Variants in RBFOX1 observed in about 807,000 individuals in gnomAD.
RBFOX1 encodes RNA binding protein fox-1 homolog 1.
A neutral mutation model predicts 57.7 loss-of-function variants in RBFOX1; 8 were observed. That is an observed-to-expected ratio of 0.14 (90% confidence interval 0.08 to 0.25). The LOEUF is 0.25. RBFOX1 is among the 10% of genes least tolerant of loss of function. RBFOX1 has a pLI of 1.00. For missense variants in RBFOX1, 611 were observed against 548.5 expected, an observed-to-expected ratio of 1.11 and a Z score of -1.14; for synonymous variants, 326 against 222.4, an observed-to-expected ratio of 1.47 and a Z score of -4.15.
At chr16:7,554,366 G>A (rs2087610123) in intron 5 of RBFOX1, among the ~76,000 whole-genome samples, 1 of 152,126 alleles carries the variant, frequency 6.6e-6, no homozygotes, top group African/African-American at 2.4e-5. Flanking sequence ...TATACTTTTA[G>A]GTAAAAGTCC....
At chr16:7,166,972 C>CTTTTTTTTGTTTTTTTTTTTTTTTT (rs2079654853) in intron 4 of RBFOX1, among the ~76,000 whole-genome samples, 1 of 49,098 alleles carries the variant, frequency 2.0e-5, no homozygotes, top group Non-Finnish European at 3.4e-5. Flanking sequence ...CATTGGTGTT[C>CTTTTTTTTGTTTTTTTTTTTTTTTT]TTTTTTTTTT....
intron 14 of RBFOX1, among the ~76,000 whole-genome samples, chr16:7,685,406 C>T (rs558452475): frequency 4.6e-5 from 7 of 152,144 alleles, no homozygotes; most frequent in East Asian, 1.9e-4. Context: ...GATCCGTGGA[C>T]GGAAACAGTT....
intron 2 of RBFOX1, among the ~76,000 whole-genome samples, chr16:6,557,103 A>G (rs1361830354): frequency 1.4e-5 from 2 of 142,640 alleles, no homozygotes; most frequent in Admixed American, 7.0e-5. Context: ...ACATATATAC[A>G]TACATATATA....
chr16:7,195,434 C>T (rs1362649922), intron 4 of RBFOX1, among the ~76,000 whole-genome samples: 2 of 152,190 alleles, frequency 1.3e-5, no homozygotes. Flanking sequence ...ACGACCTGGG[C>T]AGGTGGCTGT....
chr16:6,407,872 C>T (rs1226150504), intron 2 of RBFOX1, among the ~76,000 whole-genome samples: 2 of 152,146 alleles, frequency 1.3e-5, no homozygotes, highest in African/African-American at 2.4e-5. Context: ...TAGATCCCCA[C>T]TATGTTCTGA....
rs538024132 is a variant in RBFOX1 at position 5,288,840 on chromosome 16, A to C, written c.219+48735A>C. On this transcript the variant is annotated intron_variant, in intron 1 of 2. Transcript: ENST00000585867. ...AAGGGAGCAGGTAACCATAAAACTC[A>C]TATAGGCTGGGCGCAGTGGCTCACA... 3.3e-5 allele frequency among the ~76,000 whole-genome samples: 5 copies of C among 152,020 alleles called. 1 individual carries two copies. The South Asian group carries it at 8.3e-4, about 25-fold the overall frequency.
chr16:6,097,000 A>G (rs1597274869), intron 1 of RBFOX1, among the ~76,000 whole-genome samples: 1 of 152,088 alleles, frequency 6.6e-6, no homozygotes, highest in East Asian at 1.9e-4. Context: ...TGTAGCTCCC[A>G]TAATTCCCAT....
chr16:6,853,493 C>A (rs749645560), intron 3 of RBFOX1, among the ~76,000 whole-genome samples: 3 of 151,946 alleles, frequency 2.0e-5, no homozygotes, highest in Non-Finnish European at 2.9e-5. Context: ...GTGTGGTGCT[C>A]GAGGACAATC....
chr16:7,415,135 G>A (rs61632622), intron 4 of RBFOX1, among the ~76,000 whole-genome samples: 11,191 of 152,186 alleles, frequency 0.074, 995 homozygotes, highest in East Asian at 0.3. Context: ...TAATTATTTT[G>A]TTACCATTTT....
intron 2 of RBFOX1, among the ~76,000 whole-genome samples, chr16:6,643,946 G>A (rs1488369049): frequency 4.0e-5 from 6 of 151,888 alleles, no homozygotes; most frequent in Non-Finnish European, 7.4e-5. Context: ...GCCAACATGG[G>A]GAAACCCCAT....
intron 1 of RBFOX1, among the ~76,000 whole-genome samples, chr16:6,295,424 C>G (rs765237573): frequency 1.3e-5 from 2 of 152,044 alleles, no homozygotes; most frequent in African/African-American, 4.8e-5. Context: ...GTGCCTGGCC[C>G]CTTAAGTGTG....
At chr16:5,511,131 C>A (rs1374211822) in intron 2 of RBFOX1, among the ~76,000 whole-genome samples, 2 of 152,146 alleles carry the variant, frequency 1.3e-5, no homozygotes, top group African/African-American at 2.4e-5. Context: ...TAGAAAGTTA[C>A]AAAGAACTCA....
intron 4 of RBFOX1, among the ~76,000 whole-genome samples, chr16:7,499,400 C>G (rs1180832925): frequency 6.6e-6 from 1 of 152,170 alleles, no homozygotes; most frequent in East Asian, 1.9e-4. Context: ...CTAATTACAT[C>G]TGCAGTGACC....
chr16:6,756,268 C>G (rs952714718), intron 3 of RBFOX1, among the ~76,000 whole-genome samples: 14 of 152,014 alleles, frequency 9.2e-5, no homozygotes, highest in Middle Eastern at 3.4e-3. Context: ...AATGGATATC[C>G]GTATGTAGAA....
At position 6,888,881 on chromosome 16, in the gene RBFOX1, A is replaced by G. The variant is rs72770620; in HGVS notation, c.-15-163176A>G. Among the ~76,000 whole-genome samples, 210 of 152,260 alleles carry G rather than the reference A, an allele frequency of 1.4e-3. 1 individual carries two copies. Among genetic ancestry groups the G allele is most frequent in the Admixed American group, 3.4e-3 (52 of 15,294 alleles). ...TCCCTCTTTATCCCCTCCTCCCCAAAAAAGAATTATTTTAGCATCTGAATT... is the reference window on the plus strand; with the variant it reads ...TCCCTCTTTATCCCCTCCTCCCCAAGAAAGAATTATTTTAGCATCTGAATT... On this transcript the variant is annotated intron_variant, in intron 3 of 15. Coordinates refer to ENST00000550418, the MANE Select transcript of RBFOX1 (RefSeq NM_018723.4).
Position 6,450,763 on chromosome 16 carries a change from A to ATG in RBFOX1, c.-64+133710_-64+133711dup, listed in dbSNP as rs1176763687. Among the ~76,000 whole-genome samples, 39 of 35,376 alleles carry ATG rather than the reference A, an allele frequency of 1.1e-3. 2 individuals are homozygous for ATG. The highest frequency in any genetic ancestry group is 1.1e-3 in the South Asian group (1 of 928). 23.2% of individuals were successfully genotyped at this position (35,376 alleles called of 152,430 possible). ...ATTTTATATATATATACATATATAT[A>ATG]TGTGTATATATATATATATATATAT... On this transcript the variant is annotated intron_variant, in intron 2 of 15. Transcript: ENST00000550418.
At chr16:7,531,296 C>T (rs898564507) in intron 5 of RBFOX1, among the ~76,000 whole-genome samples, 5 of 152,144 alleles carry the variant, frequency 3.3e-5, no homozygotes, top group African/African-American at 1.2e-4. Context: ...AAAGAGGAAG[C>T]AGCGATCATT....
intron 1 of RBFOX1, among the ~76,000 whole-genome samples, chr16:6,039,573 C>G (rs968339123): frequency 2.6e-5 from 4 of 152,108 alleles, no homozygotes; most frequent in African/African-American, 9.7e-5. Context: ...AATAATTATG[C>G]ATTTCTTAGA....
intron 2 of RBFOX1, among the ~76,000 whole-genome samples, chr16:6,324,607 C>T (rs1480185798): frequency 6.6e-6 from 1 of 152,108 alleles, no homozygotes; most frequent in African/African-American, 2.4e-5. Context: ...AAGGACAGTG[C>T]CAATGGGATG....
Sources: gnomAD v4.1 joint callset for allele counts (sites outside exome capture counted in the v4.1 genomes callset) on GRCh38, gnomAD v4.1.1 for gene constraint, MANE v1.5 for transcripts, NCBI Gene and HGNC (gene_info 2026-07-23, HGNC 2026-07-21) for gene names.